DYM: variants seen among roughly 807,000 people sequenced by gnomAD.
DYM encodes the protein dymeclin.
A neutral mutation model predicts 93.1 loss-of-function variants in DYM; 78 were observed. That is an observed-to-expected ratio of 0.84 (90% CI 0.70 to 1.01). The LOEUF (loss-of-function observed/expected upper bound fraction) is 1.01, where lower values mean the gene tolerates loss of function less well. Among genes scored for constraint, DYM ranks in the 50% least tolerant of loss-of-function variants. The pLI is 0.00. For missense variants in DYM, 789 were observed against 845.0 expected (o/e 0.93, Z 0.82); for synonymous variants, 321 against 319.7 (o/e 1.00, Z -0.04).
intron 14 of DYM, among the ~76,000 whole-genome samples, chr18:49,185,010 G>A (rs1159465043): frequency 6.6e-6 from 1 of 152,192 alleles, no homozygotes. Context: ...CTTCACTGAG[G>A]AGGTGTCATT....
At chr18:49,233,415 A>G (rs989788013) in intron 13 of DYM, among the ~76,000 whole-genome samples, 11 of 150,164 alleles carry the variant, frequency 7.3e-5, no homozygotes, top group African/African-American at 2.7e-4. Flanking sequence ...AAAAAAAAGC[A>G]TCCATTTTTT....
rs2087501068 is a variant in DYM, at chr18:49,163,780, A to G, written c.1633T>C (p.Ser545Pro). 1 of 1,606,834 alleles carries G rather than the reference A, an allele frequency of 6.2e-7. No individual in the cohort carries two copies. ...TTGTTGTGTTTTTTAGACAGCAAAG[A>G]AAATAAACTGGAAAAACAAACAAAA... ...ILRSYASSLF[S>P]LLSKKHNKVL... Residue 545 changes from serine (S) to proline (P), a missense_variant, in exon 15 of 18, where the codon TCT becomes CCT. Physicochemically the swap from Ser to Pro is moderately conservative, Grantham distance 74. Transcript: ENST00000675505.
chr18:49,185,053 G>A (rs1210489501), intron 14 of DYM, among the ~76,000 whole-genome samples: 2 of 152,160 alleles, frequency 1.3e-5, no homozygotes, highest in Admixed American at 1.3e-4. Flanking sequence ...GTGTGTGTGT[G>A]AGTTGTGCAC....
At chr18:49,224,092 G>C (rs2093450136) in intron 13 of DYM, among the ~76,000 whole-genome samples, 1 of 152,016 alleles carries the variant, frequency 6.6e-6, no homozygotes, top group Non-Finnish European at 1.5e-5. Context: ...AGAATGAATG[G>C]ATTTGAGGGG....
At chr18:49,183,119 A>C (rs1320569262) in intron 14 of DYM, among the ~76,000 whole-genome samples, 1 of 152,132 alleles carries the variant, frequency 6.6e-6, no homozygotes, top group Non-Finnish European at 1.5e-5. Flanking sequence ...CAGTATTTTA[A>C]ATTTCACTGT....
intron 13 of DYM, among the ~76,000 whole-genome samples, chr18:49,244,937 G>T (rs2094128755): frequency 6.6e-6 from 1 of 152,178 alleles, no homozygotes; most frequent in African/African-American, 2.4e-5. Flanking sequence ...CGGGAAATCA[G>T]GGACCCGGAA....
In DYM at chr18:49,041,030, T is replaced by G. The variant is rs141768437; in HGVS notation, c.*3025A>C. Among the ~76,000 whole-genome samples, 6 of 152,302 alleles carry G rather than the reference T, an allele frequency of 3.9e-5. No homozygotes were observed. In the East Asian group the frequency reaches 1.2e-3, roughly 29 times the overall value. The stretch of plus-strand genomic sequence containing the variant: ...CCTGTGCTTTCCTTCCAGAGAGAAC[T>G]GTGTGTGCAGTGTACTTTCTATGCT... On this transcript the variant is annotated 3_prime_UTR_variant, in exon 18 of 18. Transcript: ENST00000675505.
chr18:49,211,918 C>T (rs2092804121), intron 13 of DYM, among the ~76,000 whole-genome samples: 1 of 152,064 alleles, frequency 6.6e-6, no homozygotes, highest in African/African-American at 2.4e-5. Flanking sequence ...CAAAAGAGAG[C>T]AAAAACTTAA....
At chr18:49,308,382 G>A (rs1339368062) in intron 8 of DYM, among the ~76,000 whole-genome samples, 1 of 151,920 alleles carries the variant, frequency 6.6e-6, no homozygotes, top group East Asian at 1.9e-4. Flanking sequence ...AGCCATCCTG[G>A]ACCATGGGTA....
chr18:49,393,178 A>G (rs1244795450), intron 2 of DYM, among the ~76,000 whole-genome samples: 1 of 150,922 alleles, frequency 6.6e-6, no homozygotes, highest in East Asian at 2.0e-4. Context: ...AAAAGAAAGT[A>G]ACAAGTGTTA....
At chr18:49,300,330 T>A (rs2060842205) in intron 8 of DYM, among the ~76,000 whole-genome samples, 1 of 152,026 alleles carries the variant, frequency 6.6e-6, no homozygotes, top group African/African-American at 2.4e-5. Context: ...CCGGGTGCCA[T>A]GGCTCACTCC....
chr18:49,106,618 C>G (rs2080841463), intron 16 of DYM, among the ~76,000 whole-genome samples: 1 of 152,182 alleles, frequency 6.6e-6, no homozygotes, highest in South Asian at 2.1e-4. Context: ...GAAAATCTCT[C>G]AGCATTTGCT....
At chr18:49,156,931 A>C (rs1041719136) in intron 15 of DYM, among the ~76,000 whole-genome samples, 4 of 151,590 alleles carry the variant, frequency 2.6e-5, no homozygotes, top group African/African-American at 9.7e-5. Context: ...GCCTCACCTA[A>C]AGTGGGGTGC....
intron 13 of DYM, among the ~76,000 whole-genome samples, chr18:49,227,561 C>T (rs146342272): frequency 1.3e-5 from 2 of 152,254 alleles, no homozygotes; most frequent in Non-Finnish European, 2.9e-5. Context: ...GAAACATCCA[C>T]AGTCTCTCAC....
chr18:49,414,898 T>C (rs2072741328), intron 2 of DYM, among the ~76,000 whole-genome samples: 1 of 152,216 alleles, frequency 6.6e-6, no homozygotes, highest in African/African-American at 2.4e-5. Flanking sequence ...GCAGGGACTT[T>C]GTCACTCATG....
chr18:49,459,029 C>A (rs1466353640), intron 1 of DYM, among the ~76,000 whole-genome samples: 2 of 152,036 alleles, frequency 1.3e-5, no homozygotes, highest in Non-Finnish European at 2.9e-5. Flanking sequence ...CATGGGAGTA[C>A]CCTTTATTAT....
chr18:49,309,162 C>T (rs1475536015), intron 8 of DYM, among the ~76,000 whole-genome samples: 2 of 152,036 alleles, frequency 1.3e-5, no homozygotes, highest in African/African-American at 4.8e-5. Context: ...TATCTCCAAG[C>T]CTGACAGACA....
intron 2 of DYM, among the ~76,000 whole-genome samples, chr18:49,398,022 T>C (rs904793465): frequency 6.6e-6 from 1 of 152,296 alleles, no homozygotes; most frequent in Non-Finnish European, 1.5e-5. Context: ...AAAAATCATA[T>C]ATACACACAA....
chr18:49,402,867 T>A (rs1234800311), intron 2 of DYM, among the ~76,000 whole-genome samples: 1 of 152,176 alleles, frequency 6.6e-6, no homozygotes, highest in Non-Finnish European at 1.5e-5. Context: ...TGGAAAGCGA[T>A]CGATTTTTGA....
Sources: allele counts gnomAD v4.1 joint callset (sites outside exome capture counted in the v4.1 genomes callset), GRCh38; gene constraint gnomAD v4.1.1; transcripts MANE v1.5; gene names NCBI Gene and HGNC (gene_info 2026-07-23, HGNC 2026-07-21).